EVA1C: variants seen among roughly 807,000 people sequenced by gnomAD.
EVA1C encodes eva-1 homolog C.
A neutral mutation model predicts 45.4 loss-of-function variants in EVA1C; 25 were observed. The observed-to-expected ratio is 0.55, with a 90% CI of 0.40 to 0.77. The LOEUF (loss-of-function observed/expected upper bound fraction) is 0.77. EVA1C is among the 30% of genes least tolerant of loss of function. The pLI is 0.00. For missense variants in EVA1C, 479 were observed against 554.8 expected (o/e 0.86, Z 1.37); for synonymous variants, 190 against 221.2 (o/e 0.86, Z 1.25).
rs534892554 is a variant in EVA1C, at chr21:32,464,530, A to T, written c.482-3166A>T. On this transcript the variant is annotated intron_variant, in intron 3 of 7. Coordinates refer to ENST00000300255, the MANE Select transcript of EVA1C (RefSeq NM_058187.5). ...ATGGAAATTTACAAGGTACAGAAAGATGGCGTTTAGGCCAGGCATGGTGAC... is the reference window on the plus strand; with the variant it reads ...ATGGAAATTTACAAGGTACAGAAAGTTGGCGTTTAGGCCAGGCATGGTGAC... Among the ~76,000 whole-genome samples, 8 of 152,208 alleles carry T rather than the reference A, an allele frequency of 5.3e-5. No individual in the cohort carries two copies. The South Asian group carries it at 1.7e-3, about 32-fold the overall frequency.
At chr21:32,488,639 G>A (rs144475756) in intron 4 of EVA1C, among the ~76,000 whole-genome samples, 2,111 of 150,742 alleles carry the variant, frequency 0.014, 44 homozygotes, top group Non-Finnish European at 0.015. Context: ...AGGCTGGAGT[G>A]CAGTGGTGCA....
chr21:32,492,170 G>C (rs1270639993), intron 4 of EVA1C, among the ~76,000 whole-genome samples: 7 of 152,202 alleles, frequency 4.6e-5, no homozygotes, highest in Admixed American at 4.6e-4. Context: ...GAGACCACCA[G>C]GGTGATGAGC....
At chr21:32,507,470 G>A (rs2037761667) in intron 7 of EVA1C, among the ~76,000 whole-genome samples, 3 of 151,244 alleles carry the variant, frequency 2.0e-5, no homozygotes, top group Non-Finnish European at 2.9e-5. Context: ...GTGTGCATGT[G>A]TGCATGTGTG....
chr21:32,491,681 CAAAAAAAAA>C (rs34286023), intron 4 of EVA1C, among the ~76,000 whole-genome samples: 52 of 57,682 alleles, frequency 9.0e-4, no homozygotes, highest in African/African-American at 3.0e-3. Flanking sequence ...GAGACTCTGT[CAAAAAAAAA>C]AAAAAAAAAA....
intron 3 of EVA1C, among the ~76,000 whole-genome samples, chr21:32,460,756 C>CTTTTTT (rs3056330): frequency 8.5e-4 from 127 of 149,806 alleles, no homozygotes; most frequent in Middle Eastern, 6.8e-3. Context: ...ACAGAAGAAT[C>CTTTTTT]TTTTTTTTGG....
At chr21:32,427,540 C>G (rs996295018) in intron 1 of EVA1C, among the ~76,000 whole-genome samples, 1 of 151,948 alleles carries the variant, frequency 6.6e-6, no homozygotes, top group African/African-American at 2.4e-5. Context: ...TGGTAAAACC[C>G]CATCTCTACT....
intron 5 of EVA1C, among the ~76,000 whole-genome samples, chr21:32,497,715 G>C (rs2037398629): frequency 6.6e-6 from 1 of 152,162 alleles, no homozygotes; most frequent in Non-Finnish European, 1.5e-5. Context: ...TTACAAAAAA[G>C]GGGGTTTAAT....
intron 4 of EVA1C, among the ~76,000 whole-genome samples, chr21:32,489,139 T>G (rs891618208): frequency 3.2e-4 from 48 of 152,254 alleles, no homozygotes; most frequent in Non-Finnish European, 1.5e-5. Context: ...TTTTTGCATT[T>G]GGTGTCCTAG....
intron 1 of EVA1C, among the ~76,000 whole-genome samples, chr21:32,444,465 G>T (rs1349117363): frequency 6.6e-6 from 1 of 152,148 alleles, no homozygotes; most frequent in Non-Finnish European, 1.5e-5. Flanking sequence ...TTATTATAAA[G>T]GCTATTACAA....
chr21:32,477,244 T>C (rs751080495), intron 4 of EVA1C, among the ~76,000 whole-genome samples: 1 of 152,056 alleles, frequency 6.6e-6, no homozygotes, highest in Non-Finnish European at 1.5e-5. Flanking sequence ...TCAAGGCCCT[T>C]ACATTTTCTC....
intron 1 of EVA1C, among the ~76,000 whole-genome samples, chr21:32,426,153 C>T (rs1008170586): frequency 2.6e-5 from 4 of 152,088 alleles, no homozygotes; most frequent in Admixed American, 6.5e-5. Context: ...CAGAATTTTT[C>T]CCCCTTCCTT....
chr21:32,489,056 T>C (rs532863574), intron 4 of EVA1C, among the ~76,000 whole-genome samples: 1 of 152,380 alleles, frequency 6.6e-6, no homozygotes, highest in East Asian at 1.9e-4. Flanking sequence ...ATCTGTAGGC[T>C]GCTTTTTCAT....
Position 32,495,034 on chromosome 21 carries a change from G to C in EVA1C, c.642G>C (p.Leu214Phe), listed in dbSNP as rs2037297573. Residue 214 changes from leucine to phenylalanine, a missense_variant, in exon 5 of 8, where the codon TTG becomes TTC. Leu to Phe is a conservative substitution (Grantham distance 22, BLOSUM62 0). Transcript: ENST00000300255. The part of the protein sequence containing the change: ...KAERLPPFDC[L>F]SYSALQVLSR... ...GTGTTTCCTGCCTTTCAGATTGCTT[G>C]TCTTACTCAGCTTTGCAAGTCCTAT... 6.2e-7 allele frequency: 1 copy of C among 1,613,938 alleles called. No homozygotes were observed.
chr21:32,456,801 G>T (rs1315657751), intron 2 of EVA1C, among the ~76,000 whole-genome samples: 1 of 152,174 alleles, frequency 6.6e-6, no homozygotes, highest in South Asian at 2.1e-4. Context: ...CGAGGACCTA[G>T]AGAACAGCAG....
In EVA1C at chr21:32,495,086, T is replaced by C. The variant is rs780272765; in HGVS notation, c.694T>C (p.Cys232Arg). The change falls in exon 5 of 8, where the codon TGC (cysteine) becomes CGC (arginine). Residue 232 changes from cysteine to arginine, a missense_variant. Physicochemically the swap from Cys to Arg is radical, Grantham distance 180. Transcript: ENST00000300255. The part of the protein sequence containing the change: ...LSRRCYGKQR[C>R]KIIVNNHHFG... ...CCGAAGGTGCTATGGGAAGCAGAGA[T>C]GCAAAATCATCGTCAACAATCACCA... 1.2e-6 allele frequency: 2 copies of C among 1,614,184 alleles called. No homozygotes were observed. Among genetic ancestry groups the C allele is most frequent in the Non-Finnish European group, 8.5e-7 (1 of 1,180,028 alleles).
At chr21:32,479,494 C>G (rs186336496) in intron 4 of EVA1C, among the ~76,000 whole-genome samples, 1 of 152,008 alleles carries the variant, frequency 6.6e-6, no homozygotes, top group East Asian at 1.9e-4. Flanking sequence ...AGGGAAATAA[C>G]CACTAACAAC....
chr21:32,467,689 G>C lies in EVA1C; in HGVS notation c.482-7G>C. 6.3e-7 allele frequency: 1 copy of C among 1,599,722 alleles called. No individual in the cohort carries two copies. The highest frequency in any genetic ancestry group is 2.3e-5 in the East Asian group (1 of 43,990). ...GATGGTGCCTTCAATTTTTGTTTTT[G>C]CTTCAGATGAATTAAAAAACAAAAC... is the stretch of plus-strand genomic sequence containing the variant. On this transcript the variant is annotated splice_polypyrimidine_tract_variant and splice_region_variant and intron_variant, in intron 3 of 7. Coordinates refer to ENST00000300255, the MANE Select transcript of EVA1C (RefSeq NM_058187.5).
At position 32,466,635 on chromosome 21, in the gene EVA1C, A is replaced by C. The variant is rs533908887; in HGVS notation, c.482-1061A>C. On this transcript the variant is annotated intron_variant, in intron 3 of 7. Transcript: ENST00000300255. The stretch of plus-strand genomic sequence containing the variant: ...CTGAATTCTTTGGGAACAAAGCACT[A>C]CCTGGTCCAAAACATCCTAACCTAG... Among the ~76,000 whole-genome samples the C allele has an allele frequency of 7.6e-4, 115 of 152,270 alleles. No homozygotes were observed. The South Asian group carries it at 0.014, about 18-fold the overall frequency.
At chr21:32,417,304 A>AG (rs1316050230) in intron 1 of EVA1C, among the ~76,000 whole-genome samples, 3 of 152,234 alleles carry the variant, frequency 2.0e-5, no homozygotes, top group Non-Finnish European at 2.9e-5. Context: ...TTCAAGATCA[A>AG]GGTCTTGGCA....
Sources: gnomAD v4.1 joint callset for allele counts (sites outside exome capture counted in the v4.1 genomes callset) on GRCh38, gnomAD v4.1.1 for gene constraint, MANE v1.5 for transcripts, NCBI Gene and HGNC (gene_info 2026-07-23, HGNC 2026-07-21) for gene names.